Variants in E2F3 observed in about 807,000 individuals in gnomAD.
The protein encoded by E2F3 is transcription factor E2F3.
Under a neutral mutation model 44.4 loss-of-function variants are expected in E2F3, and 11 were observed. The observed-to-expected ratio is 0.25, with a 90% CI of 0.16 to 0.41. The LOEUF (loss-of-function observed/expected upper bound fraction) is 0.41. Ranked by LOEUF, E2F3 falls within the 10% of genes least tolerant of loss-of-function variation. E2F3 has a pLI of 1.00. For synonymous variants in E2F3, 249 were observed against 253.0 expected, an observed-to-expected ratio of 0.98 and a Z score of 0.15; for missense variants, 487 against 583.6, an observed-to-expected ratio of 0.83 and a Z score of 1.70.
intron 4 of E2F3, among the ~76,000 whole-genome samples, chr6:20,484,583 T>C (rs527956585): frequency 1.3e-5 from 2 of 152,324 alleles, no homozygotes; most frequent in South Asian, 4.1e-4. Context: ...AAGGCATCCG[T>C]TGACTTCTTT....
chr6:20,439,710 C>A (rs1308559085), intron 1 of E2F3, among the ~76,000 whole-genome samples: 1 of 152,060 alleles, frequency 6.6e-6, no homozygotes, highest in Non-Finnish European at 1.5e-5. Flanking sequence ...TTTTAAATTT[C>A]TTTGTAGAGA....
At chr6:20,459,856 T>C (rs1761440320) in intron 1 of E2F3, among the ~76,000 whole-genome samples, 1 of 152,110 alleles carries the variant, frequency 6.6e-6, no homozygotes, top group East Asian at 1.9e-4. Context: ...GTGAGAAGAT[T>C]GCTTGAGCCC....
intron 1 of E2F3, among the ~76,000 whole-genome samples, chr6:20,470,062 C>G (rs373997216): frequency 5.9e-5 from 9 of 152,290 alleles, no homozygotes; most frequent in African/African-American, 1.9e-4. Context: ...ACCTCCGAAC[C>G]AGGACTTTTC....
intron 1 of E2F3, among the ~76,000 whole-genome samples, chr6:20,425,704 A>T (rs116506289): frequency 6.6e-6 from 1 of 152,012 alleles, no homozygotes; most frequent in Admixed American, 6.6e-5. Flanking sequence ...GGCCCCTTCT[A>T]CCTTTTAGAA....
intron 1 of E2F3, among the ~76,000 whole-genome samples, chr6:20,446,861 C>T (rs1760962814): frequency 1.3e-5 from 2 of 152,132 alleles, no homozygotes; most frequent in African/African-American, 4.8e-5. Context: ...GCAACCATGC[C>T]CGGCCCTCTG....
At chr6:20,423,493 C>G (rs892140517) in intron 1 of E2F3, among the ~76,000 whole-genome samples, 1 of 152,026 alleles carries the variant, frequency 6.6e-6, no homozygotes, top group Non-Finnish European at 1.5e-5. Flanking sequence ...TTTTTGAGAC[C>G]AAGTCTTGCT....
intron 1 of E2F3, chr6:20,403,807 T>C (rs766398261): frequency 2.0e-6 from 3 of 1,490,348 alleles, no homozygotes; most frequent in South Asian, 1.2e-5. Flanking sequence ...GCCAGGCTGG[T>C]TTCGGAAATG....
At chr6:20,420,909 A>G (rs1399944658) in intron 1 of E2F3, among the ~76,000 whole-genome samples, 1 of 152,152 alleles carries the variant, frequency 6.6e-6, no homozygotes, top group Non-Finnish European at 1.5e-5. Flanking sequence ...CCCACACTAG[A>G]CCTTCTTTCA....
At chr6:20,453,609 G>A (rs1379054475) in intron 1 of E2F3, among the ~76,000 whole-genome samples, 3 of 151,930 alleles carry the variant, frequency 2.0e-5, no homozygotes, top group African/African-American at 4.8e-5. Flanking sequence ...ACGAGGTCTC[G>A]CTACATTGTC....
intron 1 of E2F3, among the ~76,000 whole-genome samples, chr6:20,415,324 A>G (rs1478344959): frequency 6.6e-6 from 1 of 152,258 alleles, no homozygotes; most frequent in Non-Finnish European, 1.5e-5. Flanking sequence ...TGGAGGGGAC[A>G]AAGGAGGCTT....
intron 1 of E2F3, among the ~76,000 whole-genome samples, chr6:20,451,147 T>C (rs1205967070): frequency 6.6e-6 from 1 of 152,242 alleles, no homozygotes; most frequent in African/African-American, 2.4e-5. Flanking sequence ...AAAATAGTTT[T>C]TTCTAGTTCT....
At chr6:20,447,120 G>C (rs536085279) in intron 1 of E2F3, among the ~76,000 whole-genome samples, 1 of 152,158 alleles carries the variant, frequency 6.6e-6, no homozygotes, top group Non-Finnish European at 1.5e-5. Context: ...GGGAAAATAG[G>C]TAGATCCTCT....
In E2F3 at chr6:20,401,931, C is replaced by G; in HGVS notation, c.-302C>G. The G allele has an allele frequency of 2.5e-6, 1 of 405,796 alleles. No individual in the cohort carries two copies. The highest frequency in any genetic ancestry group is 4.3e-6 in the Non-Finnish European group (1 of 232,342). 25.1% of individuals were successfully genotyped at this position (405,796 alleles called of 1,614,324 possible). A position where few individuals can be genotyped will look rare whatever the true frequency, so the allele number is the denominator to read the frequency against. On this transcript the variant is annotated 5_prime_UTR_variant, in exon 1 of 7. Transcript: ENST00000346618. ...GCCATTTTTCAGCTGCCGGCCGCAG[C>G]ACCCGGGCTGCCGCCGCCGCCTCGC...
chr6:20,464,978 C>T (rs1761653453), intron 1 of E2F3, among the ~76,000 whole-genome samples: 2 of 152,138 alleles, frequency 1.3e-5, no homozygotes, highest in African/African-American at 4.8e-5. Flanking sequence ...TATATAAAGC[C>T]TACTTAAACA....
chr6:20,407,830 T>G (rs1299408677), intron 1 of E2F3, among the ~76,000 whole-genome samples: 2 of 152,248 alleles, frequency 1.3e-5, no homozygotes, highest in African/African-American at 4.8e-5. Flanking sequence ...TTTAGTCATC[T>G]ACTTCCTACT....
chr6:20,431,794 T>C (rs1168973783), intron 1 of E2F3, among the ~76,000 whole-genome samples: 2 of 152,196 alleles, frequency 1.3e-5, no homozygotes, highest in Non-Finnish European at 2.9e-5. Context: ...TTTAGACACC[T>C]ATTACATTAG....
chr6:20,426,638 G>A (rs1431808040), intron 1 of E2F3, among the ~76,000 whole-genome samples: 1 of 152,202 alleles, frequency 6.6e-6, no homozygotes, highest in Non-Finnish European at 1.5e-5. Context: ...GGCCTTCCAG[G>A]GCTGTGCTGT....
intron 1 of E2F3, among the ~76,000 whole-genome samples, chr6:20,477,403 T>G (rs1762083315): frequency 6.6e-6 from 1 of 152,304 alleles, no homozygotes; most frequent in East Asian, 1.9e-4. Flanking sequence ...TTGGAATGAA[T>G]GAAAGTGGAA....
intron 1 of E2F3, among the ~76,000 whole-genome samples, chr6:20,441,146 T>C (rs2127596554): frequency 6.6e-6 from 1 of 152,326 alleles, no homozygotes. Flanking sequence ...AAATCTACCA[T>C]TGAACAATAA....
Sources: gnomAD v4.1 joint callset for allele counts (sites outside exome capture counted in the v4.1 genomes callset) on GRCh38, gnomAD v4.1.1 for gene constraint, MANE v1.5 for transcripts, NCBI Gene and HGNC (gene_info 2026-07-23, HGNC 2026-07-21) for gene names.